HNMT: variants seen among roughly 807,000 people sequenced by gnomAD.
The protein encoded by HNMT is histamine N-methyltransferase.
HNMT carries 30 observed loss-of-function variants against 32.1 expected under a neutral mutation model. The ratio of observed to expected loss-of-function variants is 0.93; its 90% CI spans 0.70 to 1.27. The LOEUF (loss-of-function observed/expected upper bound fraction) is 1.27. HNMT is among the 50% of genes most tolerant of loss of function. The probability of loss-of-function intolerance (pLI) is 0.00; values close to 1 mark genes in which losing one functional copy is unlikely to be tolerated. For missense variants in HNMT, 327 were observed against 346.0 expected (o/e 0.95, Z 0.43); for synonymous variants, 125 against 119.0 (o/e 1.05, Z -0.33).
At chr2:138,003,272 A>AG (rs1421365174) in intron 4 of HNMT, among the ~76,000 whole-genome samples, 1 of 152,136 alleles carries the variant, frequency 6.6e-6, no homozygotes, top group Non-Finnish European at 1.5e-5. Context: ...ACTATTGAGT[A>AG]GATAGCATGG....
intron 2 of HNMT, chr2:137,991,861 C>T (rs953615777): frequency 1.3e-5 from 2 of 152,128 alleles, no homozygotes; most frequent in Non-Finnish European, 2.9e-5. Context: ...TTTGGAGGCC[C>T]CCATTGAAAA....
intron 5 of HNMT, among the ~76,000 whole-genome samples, chr2:138,011,807 T>C (rs1256225735): frequency 2.6e-5 from 4 of 152,174 alleles, no homozygotes; most frequent in African/African-American, 9.6e-5. Context: ...GTCATGGTTC[T>C]AAGGGTCTTT....
intron 1 of HNMT, among the ~76,000 whole-genome samples, chr2:137,967,951 A>G (rs1198547392): frequency 6.6e-6 from 1 of 152,138 alleles, no homozygotes; most frequent in African/African-American, 2.4e-5. Context: ...TTTCTATTCA[A>G]TCAAATAATG....
chr2:138,012,356 G>A (rs1323990109), intron 5 of HNMT, among the ~76,000 whole-genome samples: 1 of 152,004 alleles, frequency 6.6e-6, no homozygotes, highest in Non-Finnish European at 1.5e-5. Context: ...CCTCAGATAA[G>A]GTATTCCGTA....
At chr2:137,997,784 C>T (rs888228401) in intron 2 of HNMT, among the ~76,000 whole-genome samples, 7 of 152,126 alleles carry the variant, frequency 4.6e-5, no homozygotes, top group South Asian at 2.1e-4. Context: ...AAATGCCCAT[C>T]GGTGATAGAC....
At chr2:138,010,441 GCACACACACA>G (rs56391028) in intron 5 of HNMT, among the ~76,000 whole-genome samples, 1,961 of 125,684 alleles carry the variant, frequency 0.016, 47 homozygotes, top group African/African-American at 0.051. Context: ...AAAGACACAC[GCACACACACA>G]CACACACACA....
At chr2:137,970,047 G>A (rs982555626) in intron 1 of HNMT, 118 bp from the exon 2 acceptor site, 18 of 549,330 alleles carry the variant, frequency 3.3e-5, no homozygotes, top group Non-Finnish European at 5.6e-5. Context: ...GACATTTCAT[G>A]TTGGCCTAGT....
chr2:137,986,800 G>C (rs910253338), intron 2 of HNMT, among the ~76,000 whole-genome samples: 17 of 152,174 alleles, frequency 1.1e-4, no homozygotes, highest in African/African-American at 4.1e-4. Flanking sequence ...GATAACTCTT[G>C]ATTTGAATTT....
chr2:137,995,175 A>G (rs1433488657), intron 2 of HNMT, among the ~76,000 whole-genome samples: 2 of 152,106 alleles, frequency 1.3e-5, no homozygotes, highest in Non-Finnish European at 2.9e-5. Flanking sequence ...TCAGAGAAGA[A>G]TTAAAGGAGA....
Position 138,014,343 on chromosome 2 carries a change from C to T in HNMT, c.*213C>T. 1 of 434,570 alleles carries T rather than the reference C, an allele frequency of 2.3e-6. No individual in the cohort carries two copies. The highest frequency in any genetic ancestry group is 6.7e-5 in the South Asian group (1 of 14,820). The allele number at this position is 434,570 out of a possible 1,614,324, so 26.9% of individuals were successfully genotyped here. On this transcript the variant is annotated 3_prime_UTR_variant, in exon 6 of 6. Coordinates refer to ENST00000280097, the MANE Select transcript of HNMT (RefSeq NM_006895.3). ...CCTGTCCCTCCTCCAGGTAGAGAGA[C>T]CACAAGCAGGCTCAACATAACATAA...
intron 2 of HNMT, among the ~76,000 whole-genome samples, chr2:137,992,476 C>T (rs1006281890): frequency 1.3e-5 from 2 of 152,150 alleles, no homozygotes; most frequent in East Asian, 3.9e-4. Flanking sequence ...CAGGCCTGAC[C>T]CTGACCCATC....
intron 2 of HNMT, chr2:137,981,803 T>C (rs539249248): frequency 6.4e-6 from 1 of 157,388 alleles, no homozygotes; most frequent in African/African-American, 2.4e-5. Context: ...AGGATAATTC[T>C]AGTGAATAAG....
At chr2:137,993,688 T>C (rs1680896030) in intron 2 of HNMT, among the ~76,000 whole-genome samples, 1 of 152,124 alleles carries the variant, frequency 6.6e-6, no homozygotes, top group Non-Finnish European at 1.5e-5. Context: ...ATCATTAAGA[T>C]ACTCCACAAG....
chr2:137,988,888 A>G (rs1558959264), intron 2 of HNMT, among the ~76,000 whole-genome samples: 1 of 152,132 alleles, frequency 6.6e-6, no homozygotes, highest in Non-Finnish European at 1.5e-5. Flanking sequence ...AATAAAAATA[A>G]ATATTTTTGT....
intron 4 of HNMT, 71 bp from the exon 5 acceptor site, chr2:138,005,061 G>A: frequency 2.5e-6 from 2 of 796,494 alleles, no homozygotes; most frequent in Non-Finnish European, 4.3e-6. Flanking sequence ...AACTTTCTAG[G>A]AGTATCTAGC....
At position 138,012,928 on chromosome 2, in the gene HNMT, C is replaced by T. The variant is rs554876129; in HGVS notation, c.524-847C>T. 1.2e-4 allele frequency among the ~76,000 whole-genome samples: 19 copies of T among 152,158 alleles called. No homozygotes were observed. In the South Asian group the frequency reaches 3.7e-3, roughly 30 times the overall value. On this transcript the variant is annotated intron_variant, in intron 5 of 5. Transcript: ENST00000280097. ...CCTATCCCCCAGGTGATTACAGTAGCCTTCTCGCTGTTCTCCCCACCTCTG... is the reference window on the plus strand; with the variant it reads ...CCTATCCCCCAGGTGATTACAGTAGTCTTCTCGCTGTTCTCCCCACCTCTG...
intron 2 of HNMT, among the ~76,000 whole-genome samples, chr2:137,971,003 G>A (rs1193814455): frequency 3.3e-5 from 5 of 151,072 alleles, no homozygotes; most frequent in Admixed American, 6.6e-5. Flanking sequence ...ATAAACTGAT[G>A]CACAGCTTTT....
chr2:137,971,991 C>A (rs1680149534), intron 2 of HNMT, among the ~76,000 whole-genome samples: 1 of 152,138 alleles, frequency 6.6e-6, no homozygotes, highest in African/African-American at 2.4e-5. Flanking sequence ...ATCCCTTGAA[C>A]CTCTTAAGTA....
At chr2:137,985,134 A>C (rs966687201) in intron 2 of HNMT, among the ~76,000 whole-genome samples, 7 of 151,982 alleles carry the variant, frequency 4.6e-5, no homozygotes, top group Non-Finnish European at 1.5e-5. Context: ...TCAGCTTCTC[A>C]CTATCTGCCT....
Sources: allele counts gnomAD v4.1 joint callset (sites outside exome capture counted in the v4.1 genomes callset), GRCh38; gene constraint gnomAD v4.1.1; transcripts MANE v1.5; gene names NCBI Gene and HGNC (gene_info 2026-07-23, HGNC 2026-07-21).